PGM2L1: variants seen among roughly 807,000 people sequenced by gnomAD.
PGM2L1 encodes phosphoglucomutase 2 like 1.
Under a neutral mutation model 73.4 loss-of-function variants are expected in PGM2L1, and 35 were observed. That is an observed-to-expected ratio of 0.48 (90% CI 0.36 to 0.63). The LOEUF is 0.63. Ranked by LOEUF, PGM2L1 falls within the 30% of genes least tolerant of loss-of-function variation. The pLI is 0.00. For missense variants in PGM2L1, 570 were observed against 742.0 expected, an observed-to-expected ratio of 0.77 and a Z score of 2.69; for synonymous variants, 225 against 253.8, an observed-to-expected ratio of 0.89 and a Z score of 1.08.
intron 6 of PGM2L1, among the ~76,000 whole-genome samples, chr11:74,349,367 G>GTT (rs1862315009): frequency 6.6e-6 from 1 of 152,074 alleles, no homozygotes; most frequent in African/African-American, 2.4e-5. Flanking sequence ...TAGGTTTAAT[G>GTT]TTTTAATTCA....
chr11:74,334,502 T>A lies in PGM2L1; in HGVS notation c.*2150A>T, dbSNP rs370971174. On this transcript the variant is annotated 3_prime_UTR_variant, in exon 14 of 14. Coordinates refer to ENST00000298198, the MANE Select transcript of PGM2L1 (RefSeq NM_173582.6). ...CAGTGCAAAGCCTTTGAAAACAAAC[T>A]CATTGAGAAAAATGGTGCTCTACAT... is the stretch of plus-strand genomic sequence containing the variant. 1 of 152,166 alleles carries A rather than the reference T, an allele frequency of 6.6e-6. No homozygotes were observed. Among genetic ancestry groups the A allele is most frequent in the Non-Finnish European group, 1.5e-5 (1 of 68,032 alleles). The allele number at this position is 152,166 out of a possible 1,614,324, so 9.4% of individuals were successfully genotyped here.
chr11:74,360,146 C>T (rs1266138658), intron 5 of PGM2L1, among the ~76,000 whole-genome samples: 1 of 151,992 alleles, frequency 6.6e-6, no homozygotes, highest in Non-Finnish European at 1.5e-5. Context: ...AGGAGGATTG[C>T]TTGAACCTGG....
intron 5 of PGM2L1, among the ~76,000 whole-genome samples, chr11:74,362,884 A>G (rs1044939363): frequency 6.6e-6 from 1 of 152,210 alleles, no homozygotes; most frequent in African/African-American, 2.4e-5. Context: ...TGCACCAAGC[A>G]GACCTAATAG....
chr11:74,360,548 T>TGGACAGTGGGGGCA (rs1197314051), intron 5 of PGM2L1, among the ~76,000 whole-genome samples: 1 of 152,046 alleles, frequency 6.6e-6, no homozygotes, highest in Non-Finnish European at 1.5e-5. Context: ...TGGGGCTCGT[T>TGGACAGTGGGGGCA]GGACAGTGGG....
intron 5 of PGM2L1, chr11:74,354,741 C>T: frequency 9.6e-7 from 1 of 1,043,366 alleles, no homozygotes; most frequent in Non-Finnish European, 1.5e-6. Context: ...CACCAGGTGC[C>T]CACTTAACTG....
intron 4 of PGM2L1, among the ~76,000 whole-genome samples, chr11:74,369,130 C>T (rs1327515444): frequency 7.3e-4 from 111 of 152,298 alleles, no homozygotes; most frequent in Middle Eastern, 6.8e-3. Flanking sequence ...ATTTATAACA[C>T]AGCCACATCA....
intron 5 of PGM2L1, chr11:74,355,766 G>T: frequency 2.1e-6 from 1 of 470,662 alleles, no homozygotes; most frequent in South Asian, 1.5e-5. Flanking sequence ...AGGAGAGCCA[G>T]AGAAGTGACA....
rs1862030604 is a variant in PGM2L1 at position 74,332,542 on chromosome 11, A to T, written c.*4110T>A. Reference sequence around the variant, plus strand: ...GGGCAATAGTCCTTCACAGTAACAAAATGTGCAAGGGTGCCTAGGAAAAGT... The same window carrying T: ...GGGCAATAGTCCTTCACAGTAACAATATGTGCAAGGGTGCCTAGGAAAAGT... On this transcript the variant is annotated 3_prime_UTR_variant, in exon 14 of 14. Coordinates refer to ENST00000298198, the MANE Select transcript of PGM2L1 (RefSeq NM_173582.6). The T allele has an allele frequency of 6.6e-6, 1 of 152,664 alleles. No individual in the cohort carries two copies. The highest frequency in any genetic ancestry group is 1.5e-5 in the Non-Finnish European group (1 of 68,040). 9.5% of individuals were successfully genotyped at this position (152,664 alleles called of 1,614,324 possible). A position where few individuals can be genotyped will look rare whatever the true frequency, so the allele number is the denominator to read the frequency against.
At chr11:74,347,008 C>A in intron 7 of PGM2L1, 140 bp downstream of exon 7, 1 of 950,620 alleles carries the variant, frequency 1.1e-6, no homozygotes, top group Non-Finnish European at 1.5e-6. Flanking sequence ...CAAAACACAG[C>A]CTATTATTAC....
Position 74,398,213 on chromosome 11 carries a change from G to A in PGM2L1, c.-52C>T, listed in dbSNP as rs115479879. ...GGGCCGGCGAAGACACTGAGTTGGG[G>A]TGGGGGGTGGCTTGGGGTTCGCTCA... On this transcript the variant is annotated 5_prime_UTR_variant, in exon 1 of 14. Transcript: ENST00000298198. 6,028 of 1,561,618 alleles carry A rather than the reference G, an allele frequency of 3.9e-3. 165 individuals carry two copies. In the African/African-American group the frequency reaches 0.062, roughly 16 times the overall value.
intron 1 of PGM2L1, among the ~76,000 whole-genome samples, chr11:74,390,040 A>C (rs1863075125): frequency 2.7e-5 from 4 of 146,082 alleles, no homozygotes; most frequent in Non-Finnish European, 3.0e-5. Context: ...AATGGCGTGA[A>C]CCCGGGAGGC....
At position 74,398,101 on chromosome 11, in the gene PGM2L1, C is replaced by T. The variant is rs1196095170; in HGVS notation, c.61G>A (p.Gly21Arg). ...ATGGCCGTGTCCAGCTGAGGGTCCC[C>T]GGTGTGGTAGGGGGCGTGGAGCAGG... is the stretch of plus-strand genomic sequence containing the variant. ...SNLLHAPYHT[G>R]DPQLDTAIGQ... The change falls in exon 1 of 14, where the codon GGG (glycine) becomes AGG (arginine). Residue 21 changes from glycine (G) to arginine (R), a missense_variant. Transcript: ENST00000298198. 3 of 1,612,636 alleles carry T rather than the reference C, an allele frequency of 1.9e-6. No homozygotes were observed. Among genetic ancestry groups the T allele is most frequent in the African/African-American group, 1.3e-5 (1 of 74,894 alleles).
At chr11:74,386,626 C>A (rs1863022502) in intron 1 of PGM2L1, among the ~76,000 whole-genome samples, 1 of 152,090 alleles carries the variant, frequency 6.6e-6, no homozygotes, top group Non-Finnish European at 1.5e-5. Flanking sequence ...TAGGCACATG[C>A]CACCATGCCC....
intron 5 of PGM2L1, among the ~76,000 whole-genome samples, chr11:74,352,588 C>T (rs1357506597): frequency 1.3e-5 from 2 of 152,090 alleles, no homozygotes; most frequent in Non-Finnish European, 2.9e-5. Context: ...TCTATTGCAT[C>T]CTGAATGAAG....
rs1308049994 is a variant in PGM2L1, at chr11:74,334,222, A to T, written c.*2430T>A. On this transcript the variant is annotated 3_prime_UTR_variant, in exon 14 of 14. Transcript: ENST00000298198. ...ACTCAAATAAAACTGTTTTCTTCATAATAGAATGACAGTCATGACATGGCT... is the reference window on the plus strand; with the variant it reads ...ACTCAAATAAAACTGTTTTCTTCATTATAGAATGACAGTCATGACATGGCT... 1 of 152,234 alleles carries T rather than the reference A, an allele frequency of 6.6e-6. No individual in the cohort carries two copies. The highest frequency in any genetic ancestry group is 1.5e-5 in the Non-Finnish European group (1 of 68,032). 9.4% of individuals were successfully genotyped at this position (152,234 alleles called of 1,614,324 possible). A position where few individuals can be genotyped will look rare whatever the true frequency, so the allele number is the denominator to read the frequency against.
chr11:74,367,385 C>A (rs1398693956), intron 5 of PGM2L1, among the ~76,000 whole-genome samples: 2 of 151,904 alleles, frequency 1.3e-5, no homozygotes, highest in Non-Finnish European at 2.9e-5. Context: ...TTTATGACAC[C>A]AATCTCGTTT....
At chr11:74,378,581 A>C (rs951777734) in intron 1 of PGM2L1, among the ~76,000 whole-genome samples, 1 of 152,176 alleles carries the variant, frequency 6.6e-6, no homozygotes, top group Non-Finnish European at 1.5e-5. Context: ...AAAGCCATAC[A>C]TTATTTTCAA....
At position 74,374,395 on chromosome 11, in the gene PGM2L1, T is replaced by C; in HGVS notation, c.279+20A>G. The C allele has an allele frequency of 6.3e-7, 1 of 1,585,748 alleles. No individual in the cohort carries two copies. The highest frequency in any genetic ancestry group is 8.6e-7 in the Non-Finnish European group (1 of 1,160,690). On this transcript the variant is annotated intron_variant, in intron 2 of 13. Coordinates refer to ENST00000298198, the MANE Select transcript of PGM2L1 (RefSeq NM_173582.6). ...CCATGTCCAGTCAAAAGTACACTCTTAATACTTTATAATACTTACCTGTGT... is the reference window on the plus strand; with the variant it reads ...CCATGTCCAGTCAAAAGTACACTCTCAATACTTTATAATACTTACCTGTGT...
intron 8 of PGM2L1, among the ~76,000 whole-genome samples, 183 bp from the exon 9 acceptor site, chr11:74,345,832 G>A (rs1406800466): frequency 1.3e-5 from 2 of 151,922 alleles, no homozygotes; most frequent in Non-Finnish European, 2.9e-5. Context: ...CGGTAGGAAT[G>A]GTACAACGTC....
Sources: allele counts gnomAD v4.1 joint callset (sites outside exome capture counted in the v4.1 genomes callset), GRCh38; gene constraint gnomAD v4.1.1; transcripts MANE v1.5; gene names NCBI Gene and HGNC (gene_info 2026-07-23, HGNC 2026-07-21).